NREP: variants seen among roughly 807,000 people sequenced by gnomAD.
NREP encodes neuronal regeneration-related protein.
Under a neutral mutation model 8.6 loss-of-function variants are expected in NREP, and 5 were observed. That is an observed-to-expected ratio of 0.58 (90% CI 0.30 to 1.22). The LOEUF is 1.22. Among genes scored for constraint, NREP ranks in the 50% most tolerant of loss-of-function variants. The probability of loss-of-function intolerance (pLI) is 0.07; values close to 1 mark genes in which losing one functional copy is unlikely to be tolerated. For synonymous variants in NREP, 27 were observed against 28.0 expected (o/e 0.96, Z 0.11); for missense variants, 86 against 82.5 (o/e 1.04, Z -0.17).
At chr5:111,880,236 C>T (rs73787711) in intron 2 of NREP, among the ~76,000 whole-genome samples, 1,574 of 152,108 alleles carry the variant, frequency 0.01, 15 homozygotes, top group South Asian at 0.027. Context: ...GAGAATTAAA[C>T]GTGTTAATAC....
intron 2 of NREP, among the ~76,000 whole-genome samples, chr5:111,927,329 A>C (rs939741684): frequency 2.0e-5 from 3 of 152,130 alleles, no homozygotes; most frequent in Non-Finnish European, 4.4e-5. Context: ...AAAATGGGAA[A>C]ATTTCCAAAC....
chr5:111,900,378 A>G (rs796329396), intron 2 of NREP, among the ~76,000 whole-genome samples: 2 of 152,072 alleles, frequency 1.3e-5, no homozygotes, highest in Non-Finnish European at 2.9e-5. Context: ...ATAATTAGGA[A>G]AGGCAAACCC....
At chr5:111,883,401 T>TA (rs1754142100) in intron 2 of NREP, among the ~76,000 whole-genome samples, 1 of 152,080 alleles carries the variant, frequency 6.6e-6, no homozygotes, top group Admixed American at 6.5e-5. Flanking sequence ...ACTGTCAACA[T>TA]TAGACAGATC....
At chr5:111,757,346 T>C (rs1750788425), upstream of NREP, 12 of 896,196 alleles carry the variant, frequency 1.3e-5, no homozygotes, top group Admixed American at 6.2e-5. Flanking sequence ...AAGTGCAGCC[T>C]TGGAAAAAGG....
intron 2 of NREP, among the ~76,000 whole-genome samples, chr5:111,855,782 A>G (rs950151160): frequency 4.6e-5 from 7 of 152,162 alleles, no homozygotes; most frequent in Non-Finnish European, 1.0e-4. Flanking sequence ...GGGTTGCAGG[A>G]CCAGGACAAA....
intron 2 of NREP, among the ~76,000 whole-genome samples, chr5:111,880,815 C>T (rs997471183): frequency 1.4e-5 from 2 of 147,496 alleles, no homozygotes; most frequent in Admixed American, 6.9e-5. Flanking sequence ...TGGCTCATTG[C>T]AGCCTCAACA....
rs150872964 is a variant in NREP, at chr5:111,776,919, G to A, written c.136-41412C>T. 8.6e-3 allele frequency among the ~76,000 whole-genome samples: 1,296 copies of A among 150,816 alleles called. 10 individuals carry two copies. Among genetic ancestry groups the A allele is most frequent in the Non-Finnish European group, 0.014 (976 of 67,868 alleles). Reference sequence around the variant, plus strand: ...ACCTTATGATATACTTAAGATTGGTGCACTATATACACTTTCTAATTTAGG... The same window carrying A: ...ACCTTATGATATACTTAAGATTGGTACACTATATACACTTTCTAATTTAGG... On this transcript the variant is annotated intron_variant, in intron 2 of 3. Transcript: ENST00000395634.
chr5:111,753,721 G>A (rs1750524366), intron 2 of NREP, among the ~76,000 whole-genome samples: 1 of 152,038 alleles, frequency 6.6e-6, no homozygotes, highest in African/African-American at 2.4e-5. Context: ...CAAATCTACT[G>A]CTTCACTAGA....
intron 2 of NREP, among the ~76,000 whole-genome samples, chr5:111,938,679 A>G (rs1267186377): frequency 6.6e-6 from 1 of 152,026 alleles, no homozygotes; most frequent in Non-Finnish European, 1.5e-5. Context: ...CCAACCTCAA[A>G]GGCCTATTGT....
chr5:111,742,596 G>A (rs1400244350), intron 2 of NREP, among the ~76,000 whole-genome samples: 1 of 152,034 alleles, frequency 6.6e-6, no homozygotes, highest in East Asian at 1.9e-4. Context: ...CAGGTCAGGA[G>A]CCAGCCACAA....
At chr5:111,962,262 A>G (rs746957249) in intron 2 of NREP, among the ~76,000 whole-genome samples, 47 of 152,200 alleles carry the variant, frequency 3.1e-4, no homozygotes, top group Admixed American at 2.8e-3. Flanking sequence ...TTTAGCTAAG[A>G]ATACATGATC....
chr5:111,974,618 C>T (rs1289928746), intron 2 of NREP: 5 of 152,300 alleles, frequency 3.3e-5, no homozygotes, highest in East Asian at 1.9e-4. Context: ...TATACATCCT[C>T]GTTGACAAAC....
At chr5:111,968,239 G>T (rs1756700617) in intron 2 of NREP, among the ~76,000 whole-genome samples, 1 of 151,656 alleles carries the variant, frequency 6.6e-6, no homozygotes, top group Admixed American at 6.6e-5. Flanking sequence ...GGTACTTCAG[G>T]TTTAAAACAC....
chr5:111,800,001 C>T (rs1447959714), intron 2 of NREP, among the ~76,000 whole-genome samples: 3 of 152,080 alleles, frequency 2.0e-5, no homozygotes, highest in Admixed American at 6.5e-5. Context: ...CTCACCGCAA[C>T]CTCCACCTCC....
intron 2 of NREP, among the ~76,000 whole-genome samples, chr5:111,746,861 T>G (rs1244982941): frequency 3.3e-5 from 5 of 152,170 alleles, no homozygotes; most frequent in Non-Finnish European, 7.4e-5. Flanking sequence ...ATTCCGATAT[T>G]GCATGCTTTT....
intron 2 of NREP, among the ~76,000 whole-genome samples, chr5:111,798,044 G>T (rs1751912677): frequency 6.6e-6 from 1 of 152,058 alleles, no homozygotes; most frequent in Admixed American, 6.5e-5. Flanking sequence ...CAGATTACTG[G>T]GAATGAATTA....
intron 2 of NREP, among the ~76,000 whole-genome samples, chr5:111,910,482 T>A (rs1754882066): frequency 1.3e-5 from 2 of 152,030 alleles, no homozygotes; most frequent in South Asian, 4.1e-4. Flanking sequence ...AAGAATGGAA[T>A]AACTTAGAAA....
In NREP at chr5:111,798,734, GGTGTGT is replaced by G. The variant is rs571252142; in HGVS notation, c.136-63233_136-63228del. On this transcript the variant is annotated intron_variant, in intron 2 of 3. Transcript: ENST00000395634. ...TTTTTATGGCTGAGTAGTATTCCAT[GGTGTGT>G]GTGTGTGTGTGTGTGTGTGTGTGTG... is the stretch of plus-strand genomic sequence containing the variant. 6.0e-3 allele frequency among the ~76,000 whole-genome samples: 812 copies of G among 135,642 alleles called. 8 individuals carry two copies. The highest frequency in any genetic ancestry group is 0.015 in the Middle Eastern group (4 of 268). 89.0% of individuals were successfully genotyped at this position (135,642 alleles called of 152,430 possible).
chr5:111,788,504 C>T (rs1285623802), intron 2 of NREP, among the ~76,000 whole-genome samples: 2 of 152,136 alleles, frequency 1.3e-5, no homozygotes, highest in East Asian at 3.9e-4. Flanking sequence ...AATGAAAATT[C>T]AAGCCAGAGC....
Sources: allele counts gnomAD v4.1 joint callset (sites outside exome capture counted in the v4.1 genomes callset), GRCh38; gene constraint gnomAD v4.1.1; transcripts MANE v1.5; gene names NCBI Gene and HGNC (gene_info 2026-07-23, HGNC 2026-07-21).